TNS1: variants seen among roughly 807,000 people sequenced by gnomAD.
The protein encoded by TNS1 is tensin-1.
TNS1 carries 62 observed loss-of-function variants against 168.6 expected under a neutral mutation model. The observed-to-expected ratio is 0.37, with a 90% CI of 0.30 to 0.45. The LOEUF (loss-of-function observed/expected upper bound fraction) is 0.45. TNS1 is among the 20% of genes least tolerant of loss of function. The pLI is 1.00. For synonymous variants in TNS1, 934 were observed against 933.2 expected (o/e 1.00, Z -0.02); for missense variants, 2,240 against 2,339.4 (o/e 0.96, Z 0.88).
At chr2:217,990,413 C>A (rs1234759430) in intron 2 of TNS1, among the ~76,000 whole-genome samples, 1 of 149,730 alleles carries the variant, frequency 6.7e-6, no homozygotes, top group Non-Finnish European at 1.5e-5. Flanking sequence ...CAGCCACACA[C>A]CCTGACCACA....
chr2:217,845,826 T>A (rs1946570253), intron 19 of TNS1, among the ~76,000 whole-genome samples: 2 of 152,308 alleles, frequency 1.3e-5, no homozygotes, highest in South Asian at 2.1e-4. Context: ...GAGAGCTGCA[T>A]GGAAGGGTTC....
At position 217,802,299 on chromosome 2, in the gene TNS1, G is replaced by C. The variant is rs1378488186; in HGVS notation, c.*2160C>G. ...AAGGTTTCACTCTGGGAAGCAGGGG[G>C]TGGCCAGTGGGGCCTCTGCCCCTGC... is the stretch of plus-strand genomic sequence containing the variant. On this transcript the variant is annotated 3_prime_UTR_variant, in exon 33 of 33. Transcript: ENST00000682258. The C allele has an allele frequency of 6.6e-6, 1 of 152,208 alleles. No individual in the cohort carries two copies. Among genetic ancestry groups the C allele is most frequent in the Non-Finnish European group, 1.5e-5 (1 of 68,036 alleles). 9.4% of individuals were successfully genotyped at this position (152,208 alleles called of 1,614,324 possible). A position where few individuals can be genotyped will look rare whatever the true frequency, so the allele number is the denominator to read the frequency against.
intron 18 of TNS1, among the ~76,000 whole-genome samples, chr2:217,872,448 T>G (rs558321864): frequency 6.6e-6 from 1 of 152,318 alleles, no homozygotes; most frequent in African/African-American, 2.4e-5. Context: ...AATTAACACA[T>G]GAAAAGATGT....
At chr2:217,987,599 C>T (rs1157388658) in intron 2 of TNS1, among the ~76,000 whole-genome samples, 1 of 152,236 alleles carries the variant, frequency 6.6e-6, no homozygotes, top group Non-Finnish European at 1.5e-5. Flanking sequence ...AGAGCTTCCT[C>T]ACTGCCCCCT....
At chr2:217,900,342 A>G (rs758885058) in intron 7 of TNS1, 121 bp downstream of exon 7, 14 of 1,156,136 alleles carry the variant, frequency 1.2e-5, no homozygotes, top group Non-Finnish European at 1.7e-5. Context: ...GTTTGCCCAC[A>G]CTCCCCACCC....
At chr2:217,855,730 C>T (rs190229101) in intron 18 of TNS1, among the ~76,000 whole-genome samples, 2 of 152,208 alleles carry the variant, frequency 1.3e-5, no homozygotes, top group East Asian at 3.9e-4. Context: ...TGCCTTACAC[C>T]GAGTAGCCGA....
intron 18 of TNS1, among the ~76,000 whole-genome samples, chr2:217,867,290 C>G (rs1483963639): frequency 1.3e-5 from 2 of 152,198 alleles, no homozygotes; most frequent in African/African-American, 4.8e-5. Flanking sequence ...TAAAAATTAT[C>G]TCTTCATATA....
chr2:217,863,891 T>A (rs1294515198), intron 18 of TNS1, among the ~76,000 whole-genome samples: 1 of 152,128 alleles, frequency 6.6e-6, no homozygotes, highest in Non-Finnish European at 1.5e-5. Flanking sequence ...GCATATGTGA[T>A]GAAAACATGT....
chr2:217,962,273 A>G (rs941502692), intron 3 of TNS1, among the ~76,000 whole-genome samples: 18 of 152,114 alleles, frequency 1.2e-4, no homozygotes, highest in Non-Finnish European at 2.4e-4. Context: ...GAGAAACCCC[A>G]TCTCTACTAA....
At chr2:217,944,703 T>C (rs79564438) in intron 3 of TNS1, among the ~76,000 whole-genome samples, 3,996 of 152,296 alleles carry the variant, frequency 0.026, 180 homozygotes, top group East Asian at 0.2. Context: ...GTTAATGAAA[T>C]ACATGCTTCA....
At chr2:218,000,264 C>T (rs1310755187) in intron 1 of TNS1, among the ~76,000 whole-genome samples, 15 of 152,228 alleles carry the variant, frequency 9.9e-5, no homozygotes, top group Admixed American at 9.8e-4. Flanking sequence ...TTGCAGCTTT[C>T]CCCATACAGG....
chr2:217,844,386 T>C (rs941824631), intron 19 of TNS1, among the ~76,000 whole-genome samples: 1 of 152,154 alleles, frequency 6.6e-6, no homozygotes, highest in South Asian at 2.1e-4. Flanking sequence ...AATGGCTTCC[T>C]ACATTGCTGC....
rs113502006 is a variant in TNS1 at position 217,962,847 on chromosome 2, T to C, written c.186+15918A>G. ...ACCACATGCAATGTGGGATCCTGGA[T>C]TGGATCCTAGATCAGAAAAAGGGCA... On this transcript the variant is annotated intron_variant, in intron 3 of 32. Coordinates refer to ENST00000682258, the MANE Select transcript of TNS1 (RefSeq NM_001387777.1). Among the ~76,000 whole-genome samples, 485 of 152,262 alleles carry C rather than the reference T, an allele frequency of 3.2e-3. 4 individuals carry two copies. Among genetic ancestry groups the C allele is most frequent in the African/African-American group, 0.011 (467 of 41,544 alleles).
chr2:217,884,908 T>A (rs1014935458), intron 16 of TNS1, 127 bp downstream of exon 16: 5 of 1,216,594 alleles, frequency 4.1e-6, no homozygotes, highest in Non-Finnish European at 4.5e-6. Context: ...TCTCCTACCA[T>A]CACCCTGAGA....
intron 6 of TNS1, among the ~76,000 whole-genome samples, chr2:217,901,037 C>T (rs925954983): frequency 7.9e-5 from 12 of 152,144 alleles, no homozygotes; most frequent in African/African-American, 2.4e-4. Context: ...GGAACCAAGA[C>T]GAGGCCTAAG....
At chr2:217,853,463 G>C (rs367846698) in intron 18 of TNS1, among the ~76,000 whole-genome samples, 1 of 152,138 alleles carries the variant, frequency 6.6e-6, no homozygotes, top group African/African-American at 2.4e-5. Context: ...GCATTGTCAC[G>C]GGTGACAATG....
At chr2:217,809,654 T>G in intron 30 of TNS1, 169 bp downstream of exon 30, 1 of 668,826 alleles carries the variant, frequency 1.5e-6, no homozygotes, top group East Asian at 2.8e-5. Flanking sequence ...GATGGATGGA[T>G]GGATAAGTAG....
intron 6 of TNS1, among the ~76,000 whole-genome samples, chr2:217,904,593 C>T (rs1953433939): frequency 6.6e-6 from 1 of 152,202 alleles, no homozygotes; most frequent in Admixed American, 6.5e-5. Flanking sequence ...AGCACACTTA[C>T]CCACCCCGAC....
chr2:217,932,970 C>G (rs73078389), intron 3 of TNS1, among the ~76,000 whole-genome samples: 3,339 of 152,274 alleles, frequency 0.022, 131 homozygotes, highest in African/African-American at 0.074. Context: ...GGAGCCCCCG[C>G]AAGCAGAAAG....
Sources: allele counts gnomAD v4.1 joint callset (sites outside exome capture counted in the v4.1 genomes callset), GRCh38; gene constraint gnomAD v4.1.1; transcripts MANE v1.5; gene names NCBI Gene and HGNC (gene_info 2026-07-23, HGNC 2026-07-21).